Variants in KANSL1 observed in about 807,000 individuals in gnomAD.
The protein encoded by KANSL1 is MLL1/MLL complex subunit KANSL1.
KANSL1 carries 22 observed loss-of-function variants against 103.6 expected under a neutral mutation model. That is an observed-to-expected ratio of 0.21 (90% CI 0.15 to 0.30). The LOEUF is 0.30. Ranked by LOEUF, KANSL1 falls within the 10% of genes least tolerant of loss-of-function variation. The probability of loss-of-function intolerance (pLI) is 1.00; values close to 1 mark genes in which losing one functional copy is unlikely to be tolerated. For missense variants in KANSL1, 1,337 were observed against 1,399.8 expected, an observed-to-expected ratio of 0.96 and a Z score of 0.72; for synonymous variants, 600 against 527.6, an observed-to-expected ratio of 1.14 and a Z score of -1.88.
At chr17:46,190,972 A>G (rs2047287931) in intron 1 of KANSL1, among the ~76,000 whole-genome samples, 1 of 152,256 alleles carries the variant, frequency 6.6e-6, no homozygotes, top group Admixed American at 6.5e-5. Context: ...GGTCCAAACC[A>G]TTGACAATGT....
chr17:46,048,759 G>A (rs2077602065), intron 7 of KANSL1, among the ~76,000 whole-genome samples: 1 of 151,832 alleles, frequency 6.6e-6, no homozygotes, highest in Non-Finnish European at 1.5e-5. Context: ...TTTGATATGT[G>A]ATTTTTAAAA....
intron 1 of KANSL1, among the ~76,000 whole-genome samples, chr17:46,213,416 A>C (rs1211824213): frequency 6.6e-6 from 1 of 151,116 alleles, no homozygotes; most frequent in Non-Finnish European, 1.5e-5. Context: ...TTCTCCTGCC[A>C]CAGCCTCCCG....
intron 2 of KANSL1, among the ~76,000 whole-genome samples, chr17:46,142,725 TA>T (rs2044488465): frequency 6.6e-6 from 1 of 152,238 alleles, no homozygotes; most frequent in Non-Finnish European, 1.5e-5. Flanking sequence ...GTTTAGCAAA[TA>T]TTTTTAAAGG....
intron 1 of KANSL1, among the ~76,000 whole-genome samples, chr17:46,187,576 G>T (rs2047091598): frequency 6.6e-6 from 1 of 152,226 alleles, no homozygotes; most frequent in Admixed American, 6.5e-5. Flanking sequence ...AAAAAAAAGG[G>T]TAAGTTCACA....
intron 7 of KANSL1, among the ~76,000 whole-genome samples, chr17:46,048,065 G>A (rs1434004483): frequency 1.3e-5 from 2 of 151,724 alleles, no homozygotes; most frequent in Admixed American, 6.6e-5. Flanking sequence ...GTGCCACCAC[G>A]CCCAGTTAAT....
chr17:46,192,103 G>A (rs1400803847), intron 1 of KANSL1, among the ~76,000 whole-genome samples: 2 of 152,214 alleles, frequency 1.3e-5, no homozygotes, highest in Non-Finnish European at 2.9e-5. Context: ...TAGTTAAGTA[G>A]CACGTTTCTC....
rs78325661 is a variant in KANSL1 at position 46,112,807 on chromosome 17, C to T, written c.1290-18106G>A. ...CACAATCTTGGCTCACTACAACCTC[C>T]GCCTCCCAAGTTCAAGTGATTCTCC... On this transcript the variant is annotated intron_variant, in intron 2 of 14. Transcript: ENST00000432791. 1.0e-3 allele frequency among the ~76,000 whole-genome samples: 158 copies of T among 152,104 alleles called. 3 individuals are homozygous for T. The East Asian group carries it at 0.022, about 22-fold the overall frequency.
At chr17:46,137,747 G>T (rs1308783137) in intron 2 of KANSL1, among the ~76,000 whole-genome samples, 1 of 151,816 alleles carries the variant, frequency 6.6e-6, no homozygotes, top group Admixed American at 6.6e-5. Flanking sequence ...GGCGCCTGTA[G>T]TCCCAGCTAC....
intron 8 of KANSL1, chr17:46,039,462 A>G: frequency 1.6e-6 from 1 of 607,874 alleles, no homozygotes; most frequent in Non-Finnish European, 2.8e-6. Context: ...ATGCCATGCC[A>G]TTGCTGGCTG....
chr17:46,178,243 A>G (rs1394129225), intron 1 of KANSL1, among the ~76,000 whole-genome samples: 1 of 152,222 alleles, frequency 6.6e-6, no homozygotes, highest in Non-Finnish European at 1.5e-5. Context: ...AAAAAAAACG[A>G]AAAACAAAAA....
intron 1 of KANSL1, among the ~76,000 whole-genome samples, chr17:46,202,697 G>A (rs996063523): frequency 1.3e-5 from 2 of 152,124 alleles, no homozygotes; most frequent in African/African-American, 4.8e-5. Context: ...TCTTATCTCT[G>A]TAACTCATTT....
intron 7 of KANSL1, among the ~76,000 whole-genome samples, chr17:46,049,003 G>A (rs1442031473): frequency 6.6e-6 from 1 of 152,148 alleles, no homozygotes; most frequent in Non-Finnish European, 1.5e-5. Context: ...GCCACTCGAA[G>A]AGTTAGAGGG....
chr17:46,094,763 G>A (rs1185005251), intron 2 of KANSL1, 62 bp from the exon 3 acceptor site: 15 of 1,590,806 alleles, frequency 9.4e-6, no homozygotes, highest in African/African-American at 1.3e-5. Context: ...CAGATTGGGG[G>A]GTGGGGAGTG....
At chr17:46,141,783 G>C (rs1470339140) in intron 2 of KANSL1, among the ~76,000 whole-genome samples, 3 of 152,220 alleles carry the variant, frequency 2.0e-5, no homozygotes, top group African/African-American at 7.2e-5. Context: ...AAATTAAGTG[G>C]TTTTGAGATA....
intron 2 of KANSL1, among the ~76,000 whole-genome samples, chr17:46,161,250 T>TAAAAAAAAA (rs534754110): frequency 2.6e-4 from 21 of 79,380 alleles, no homozygotes; most frequent in Non-Finnish European, 2.3e-4. Flanking sequence ...CCACCTCTAC[T>TAAAAAAAAA]AAAAAAAAAA....
At chr17:46,111,231 G>A (rs2042788071) in intron 2 of KANSL1, among the ~76,000 whole-genome samples, 1 of 152,194 alleles carries the variant, frequency 6.6e-6, no homozygotes, top group Admixed American at 6.5e-5. Flanking sequence ...AATTTTTAAA[G>A]ATGGAGTTTC....
At chr17:46,037,889 C>T (rs1263399595) in intron 10 of KANSL1, 2 of 152,250 alleles carry the variant, frequency 1.3e-5, no homozygotes, top group African/African-American at 4.8e-5. Flanking sequence ...GGAAATGTGT[C>T]TGGAATAGCT....
chr17:46,116,900 A>G (rs1417299417), intron 2 of KANSL1, among the ~76,000 whole-genome samples: 1 of 152,266 alleles, frequency 6.6e-6, no homozygotes, highest in African/African-American at 2.4e-5. Context: ...GTTTGAAAAT[A>G]TATTTTAAAT....
chr17:46,036,868 C>T (rs1312490344), intron 10 of KANSL1, among the ~76,000 whole-genome samples: 7 of 152,114 alleles, frequency 4.6e-5, no homozygotes, highest in African/African-American at 9.7e-5. Flanking sequence ...CATGCCACCA[C>T]GCCCAGTTAA....
Sources: gnomAD v4.1 joint callset for allele counts (sites outside exome capture counted in the v4.1 genomes callset) on GRCh38, gnomAD v4.1.1 for gene constraint, MANE v1.5 for transcripts, NCBI Gene and HGNC (gene_info 2026-07-23, HGNC 2026-07-21) for gene names.